SRGAP3: variants seen among roughly 807,000 people sequenced by gnomAD.
SRGAP3 encodes the protein SLIT-ROBO Rho GTPase-activating protein 3.
SRGAP3 carries 39 observed loss-of-function variants against 121.1 expected under a neutral mutation model. The observed-to-expected ratio is 0.32, with a 90% CI of 0.25 to 0.42. The LOEUF (loss-of-function observed/expected upper bound fraction) is 0.42. Among genes scored for constraint, SRGAP3 ranks in the 10% least tolerant of loss-of-function variants. The pLI, the probability that SRGAP3 is intolerant of heterozygous loss-of-function variation, is 1.00. For missense variants in SRGAP3, 1,213 were observed against 1,470.6 expected (o/e 0.82, Z 2.86); for synonymous variants, 601 against 570.0 (o/e 1.05, Z -0.77).
chr3:9,256,825 C>T (rs1019239786), intron 3 of SRGAP3: 3 of 398,576 alleles, frequency 7.5e-6, no homozygotes, highest in East Asian at 3.6e-5. Context: ...GAGTCTAAGT[C>T]GGTGATGGAG....
chr3:9,232,010 A>G (rs993461198), intron 1 of SRGAP3, among the ~76,000 whole-genome samples: 4 of 152,206 alleles, frequency 2.6e-5, no homozygotes, highest in African/African-American at 9.7e-5. Context: ...AACTCGGTAA[A>G]TTAAAAGGTT....
chr3:9,159,533 T>C (rs1440535495), intron 1 of SRGAP3, among the ~76,000 whole-genome samples: 1 of 152,200 alleles, frequency 6.6e-6, no homozygotes, highest in Non-Finnish European at 1.5e-5. Flanking sequence ...AAAGACACGA[T>C]CCTGGGCTAC....
intron 3 of SRGAP3, among the ~76,000 whole-genome samples, chr3:9,087,025 C>CATATGTAACATACATATACATATAT (rs1947530098): frequency 6.6e-6 from 1 of 150,630 alleles, no homozygotes; most frequent in African/African-American, 2.4e-5. Context: ...TATACATATA[C>CATATGTAACATACATATACATATAT]GTATATTATG....
chr3:9,246,954 G>A (rs1953848412), intron 1 of SRGAP3, among the ~76,000 whole-genome samples: 1 of 151,214 alleles, frequency 6.6e-6, no homozygotes, highest in Non-Finnish European at 1.5e-5. Flanking sequence ...AAAGATGAAA[G>A]GTAAAAAGCA....
At chr3:9,236,705 G>A (rs1037674001) in intron 1 of SRGAP3, among the ~76,000 whole-genome samples, 6 of 152,002 alleles carry the variant, frequency 3.9e-5, no homozygotes, top group African/African-American at 9.7e-5. Flanking sequence ...CATGCTTCCC[G>A]TACAGCCTGT....
intron 1 of SRGAP3, among the ~76,000 whole-genome samples, chr3:9,147,617 C>A (rs1456760639): frequency 2.0e-5 from 3 of 152,118 alleles, no homozygotes; most frequent in East Asian, 3.9e-4. Context: ...GCCAGATGAG[C>A]CCTTCCAGGG....
At chr3:9,025,475 T>C (rs1944149802) in intron 13 of SRGAP3, 137 bp from the exon 14 acceptor site, 1 of 999,428 alleles carries the variant, frequency 1.0e-6, no homozygotes, top group Non-Finnish European at 1.5e-6. Flanking sequence ...TCGTTCCCTA[T>C]GAATGTCTCC....
Position 9,348,411 on chromosome 3 carries a change from C to G in SRGAP3, n.214+14429G>C, listed in dbSNP as rs116104140. Reference sequence around the variant, plus strand: ...AAATGTGCCTCCAGAATCCGCGAACCCCAGTCAGCGTCGCATCCCCAGCCC... The same window carrying G: ...AAATGTGCCTCCAGAATCCGCGAACGCCAGTCAGCGTCGCATCCCCAGCCC... On this transcript the variant is annotated intron_variant and non_coding_transcript_variant, in intron 1 of 3. Transcript: ENST00000490889. The G allele has an allele frequency of 4.1e-4, 243 of 585,820 alleles. 1 individual carries two copies. The East Asian group carries it at 5.4e-3, about 13-fold the overall frequency. The allele number at this position is 585,820 out of a possible 1,614,324, so 36.3% of individuals were successfully genotyped here. A position where few individuals can be genotyped will look rare whatever the true frequency, so the allele number is the denominator to read the frequency against.
At chr3:9,209,164 T>G (rs1439987251) in intron 1 of SRGAP3, among the ~76,000 whole-genome samples, 2 of 152,204 alleles carry the variant, frequency 1.3e-5, no homozygotes, top group Non-Finnish European at 2.9e-5. Context: ...AATAGCTAAG[T>G]GATACTGTAA....
intron 12 of SRGAP3, among the ~76,000 whole-genome samples, chr3:9,031,151 C>G (rs1356596552): frequency 6.6e-6 from 1 of 152,164 alleles, no homozygotes; most frequent in East Asian, 1.9e-4. Flanking sequence ...ACCAGGTGCT[C>G]ATCCTAAATC....
intron 7 of SRGAP3, 125 bp from the exon 8 acceptor site, chr3:9,056,459 T>C: frequency 3.0e-6 from 3 of 991,990 alleles, no homozygotes; most frequent in Non-Finnish European, 4.5e-6. Flanking sequence ...AAAGGTTGAG[T>C]GACCTGCTCA....
chr3:9,157,529 T>G (rs1366003125), intron 1 of SRGAP3, among the ~76,000 whole-genome samples: 3 of 152,236 alleles, frequency 2.0e-5, no homozygotes. Context: ...GTCTAAGCAC[T>G]TTACACACAT....
chr3:8,989,648 A>C (rs2617114), intron 21 of SRGAP3, among the ~76,000 whole-genome samples: 24,760 of 152,168 alleles, frequency 0.16, 2,950 homozygotes, highest in African/African-American at 0.34. Flanking sequence ...GAGACAAAAA[A>C]AATGGAAACT....
intron 3 of SRGAP3, among the ~76,000 whole-genome samples, chr3:9,278,900 G>A (rs1385974691): frequency 6.6e-6 from 1 of 152,174 alleles, no homozygotes; most frequent in Non-Finnish European, 1.5e-5. Context: ...TGATCTCTTA[G>A]CTCTGTTCTC....
At chr3:9,354,099 G>C (rs1262602316) in intron 1 of SRGAP3, among the ~76,000 whole-genome samples, 2 of 149,070 alleles carry the variant, frequency 1.3e-5, no homozygotes, top group African/African-American at 5.1e-5. Flanking sequence ...AAACTACATT[G>C]GGTTGTAGCT....
chr3:9,102,336 G>A (rs143131408), intron 3 of SRGAP3, among the ~76,000 whole-genome samples: 141 of 152,276 alleles, frequency 9.3e-4, no homozygotes, highest in African/African-American at 3.3e-3. Context: ...AGGGTGCAGT[G>A]ATAGGCAGTT....
At chr3:9,057,946 C>A (rs1238239142) in intron 7 of SRGAP3, among the ~76,000 whole-genome samples, 1 of 152,162 alleles carries the variant, frequency 6.6e-6, no homozygotes, top group African/African-American at 2.4e-5. Context: ...GTGGACCTCA[C>A]CCGCACATGT....
chr3:9,226,409 T>C (rs1952989752), intron 1 of SRGAP3, among the ~76,000 whole-genome samples: 1 of 152,214 alleles, frequency 6.6e-6, no homozygotes, highest in Admixed American at 6.5e-5. Context: ...TGACAATCTC[T>C]TCCAGGGATT....
rs766234453 is a variant in SRGAP3, at chr3:9,348,556, G to C, written n.214+14284C>G. ...TGAGCCCAGCGGGCCATAAGGAGGC[G>C]AAGTGTGGCAGGCAGGTGCTGTGAG... On this transcript the variant is annotated intron_variant and non_coding_transcript_variant, in intron 1 of 3. Coordinates refer to the SRGAP3 transcript ENST00000490889. The C allele has an allele frequency of 5.1e-6, 4 of 786,504 alleles. No individual in the cohort carries two copies. The East Asian group carries it at 7.4e-5, about 14-fold the overall frequency. The allele number at this position is 786,504 out of a possible 1,614,324, so 48.7% of individuals were successfully genotyped here.
Sources: gnomAD v4.1 joint callset for allele counts (sites outside exome capture counted in the v4.1 genomes callset) on GRCh38, gnomAD v4.1.1 for gene constraint, MANE v1.5 for transcripts, NCBI Gene and HGNC (gene_info 2026-07-23, HGNC 2026-07-21) for gene names.